RMDN1: variants seen among roughly 807,000 people sequenced by gnomAD.
RMDN1 encodes regulator of microtubule dynamics protein 1.
A neutral mutation model predicts 48.9 loss-of-function variants in RMDN1; 48 were observed. The ratio of observed to expected loss-of-function variants is 0.98; its 90% CI spans 0.78 to 1.25. RMDN1 has a LOEUF of 1.25. RMDN1 is among the 50% of genes most tolerant of loss of function. RMDN1 has a pLI of 0.00. For missense variants in RMDN1, 418 were observed against 373.4 expected (o/e 1.12, Z -0.98); for synonymous variants, 148 against 132.6 (o/e 1.12, Z -0.80).
downstream of RMDN1, chr8:86,468,851 T>TC (rs1214903884): frequency 5.2e-6 from 2 of 387,678 alleles, no homozygotes; most frequent in Non-Finnish European, 1.0e-5. Flanking sequence ...AGAAATATGG[T>TC]CCCCCACTCA....
upstream of RMDN1, among the ~76,000 whole-genome samples, chr8:86,513,453 G>GTTTTATTGAT (rs1485433775): frequency 6.6e-6 from 1 of 152,192 alleles, no homozygotes; most frequent in Non-Finnish European, 1.5e-5. Flanking sequence ...TTCCCAATGT[G>GTTTTATTGAT]TTTTATTGAT....
intron 3 of RMDN1, among the ~76,000 whole-genome samples, chr8:86,487,820 T>C (rs1023752133): frequency 5.9e-5 from 9 of 152,178 alleles, no homozygotes; most frequent in South Asian, 2.1e-4. Context: ...AAGGGAAGAA[T>C]GGAGAAGAAA....
chr8:86,474,285 C>A lies in RMDN1; in HGVS notation c.*23G>T. Reference sequence around the variant, plus strand: ...AAAAGGCAATGTTTATTAGCTATTTCATAAATCTTCTCTGAAAAGTTCTCA... The same window carrying A: ...AAAAGGCAATGTTTATTAGCTATTTAATAAATCTTCTCTGAAAAGTTCTCA... On this transcript the variant is annotated 3_prime_UTR_variant, in exon 10 of 10. Coordinates refer to ENST00000406452, the MANE Select transcript of RMDN1 (RefSeq NM_016033.3). 6.2e-7 allele frequency: 1 copy of A among 1,612,990 alleles called. No individual in the cohort carries two copies. Among genetic ancestry groups the A allele is most frequent in the South Asian group, 1.1e-5 (1 of 90,850 alleles).
chr8:86,471,874 T>C (rs2130308792), downstream of RMDN1, among the ~76,000 whole-genome samples: 1 of 152,234 alleles, frequency 6.6e-6, no homozygotes, highest in South Asian at 2.1e-4. Flanking sequence ...ATTCAAAAAG[T>C]CAATGTTGCA....
intron 6 of RMDN1, 53 bp from the exon 7 acceptor site, chr8:86,479,063 T>TA (rs1340375605): frequency 9.4e-6 from 12 of 1,281,524 alleles, no homozygotes; most frequent in Middle Eastern, 1.8e-4. Flanking sequence ...TCTTTTCTCT[T>TA]AAAGTTAACT....
intron 5 of RMDN1, among the ~76,000 whole-genome samples, chr8:86,480,996 C>G (rs1814307750): frequency 6.6e-6 from 1 of 152,070 alleles, no homozygotes; most frequent in Non-Finnish European, 1.5e-5. Context: ...AATAAAGAAA[C>G]TGTTCCTCCT....
downstream of RMDN1, among the ~76,000 whole-genome samples, chr8:86,472,142 T>C (rs530798417): frequency 2.0e-5 from 3 of 152,328 alleles, no homozygotes; most frequent in Admixed American, 6.5e-5. Flanking sequence ...ACTATTATGA[T>C]GCTTGCAATC....
intron 7 of RMDN1, chr8:86,478,121 C>T (rs945008030): frequency 6.6e-6 from 1 of 152,186 alleles, no homozygotes; most frequent in Non-Finnish European, 1.5e-5. Flanking sequence ...CCAGGCTCAA[C>T]TGATCCACCA....
intron 2 of RMDN1, chr8:86,503,634 G>A: frequency 2.0e-6 from 1 of 495,724 alleles, no homozygotes. Flanking sequence ...GCTACAATTG[G>A]CTCTTTCCAA....
chr8:86,482,742 G>A (rs1814748877), intron 5 of RMDN1: 7 of 999,764 alleles, frequency 7.0e-6, no homozygotes, highest in Non-Finnish European at 9.7e-6. Context: ...TCAAGCAGGT[G>A]GCGCCATAAC....
chr8:86,496,136 A>G (rs1281695038), intron 2 of RMDN1, among the ~76,000 whole-genome samples: 1 of 152,226 alleles, frequency 6.6e-6, no homozygotes, highest in African/African-American at 2.4e-5. Context: ...TCTGCCTTAC[A>G]AGAGGTCCTT....
chr8:86,504,863 CT>C, intron 2 of RMDN1: 1 of 1,074,586 alleles, frequency 9.3e-7, no homozygotes, highest in South Asian at 1.2e-5. Context: ...ATTTAGGAGC[CT>C]GTATTTTTAT....
intron 1 of RMDN1, among the ~76,000 whole-genome samples, chr8:86,507,887 A>C (rs1819645842): frequency 6.6e-6 from 1 of 152,230 alleles, no homozygotes; most frequent in Non-Finnish European, 1.5e-5. Flanking sequence ...CCCCTAGTTC[A>C]TGTGAAATAT....
intron 4 of RMDN1, 29 bp downstream of exon 4, chr8:86,486,455 A>G (rs768132400): frequency 6.6e-7 from 1 of 1,517,700 alleles, no homozygotes; most frequent in Non-Finnish European, 8.9e-7. Flanking sequence ...CTCTCAGTAC[A>G]TGGTTAATAG....
At chr8:86,481,985 T>C in intron 5 of RMDN1, 1 of 859,918 alleles carries the variant, frequency 1.2e-6, no homozygotes, top group Non-Finnish European at 1.9e-6. Context: ...CATGTGGAAA[T>C]GGTGTCCAGG....
chr8:86,488,583 G>GT lies in RMDN1; in HGVS notation c.303dup (p.Leu102ThrfsTer12). On this transcript the variant is annotated frameshift_variant, in exon 3 of 10. Transcript: ENST00000406452. LOFTEE classifies it high-confidence loss of function. ...TTGTATTGGGTTAGCAACTGATAAA[G>GT]TTTTTCTGTTTCTCCGCTTTCATAC... 2 of 1,610,526 alleles carry GT rather than the reference G, an allele frequency of 1.2e-6. No homozygotes were observed. The highest frequency in any genetic ancestry group is 1.7e-6 in the Non-Finnish European group (2 of 1,178,298).
At chr8:86,480,528 T>C (rs193247242) in intron 5 of RMDN1, among the ~76,000 whole-genome samples, 196 bp from the exon 6 acceptor site, 4 of 152,228 alleles carry the variant, frequency 2.6e-5, no homozygotes, top group Admixed American at 1.3e-4. Context: ...CTTATACTAA[T>C]GTTACTATTT....
chr8:86,508,462 G>A, intron 1 of RMDN1, 30 bp downstream of exon 1: 1 of 1,536,496 alleles, frequency 6.5e-7, no homozygotes, highest in Non-Finnish European at 8.8e-7. Context: ...AGTAGGAAGT[G>A]AGGAGCGGGA....
chr8:86,509,933 ACCC>A (rs932276109), upstream of RMDN1, among the ~76,000 whole-genome samples: 31 of 152,234 alleles, frequency 2.0e-4, no homozygotes, highest in African/African-American at 6.7e-4. Context: ...ACTGGCAGCT[ACCC>A]CCTCAACATT....
Sources: gnomAD v4.1 joint callset for allele counts (sites outside exome capture counted in the v4.1 genomes callset) on GRCh38, gnomAD v4.1.1 for gene constraint, MANE v1.5 for transcripts, NCBI Gene and HGNC (gene_info 2026-07-23, HGNC 2026-07-21) for gene names.